ATL3: variants seen among roughly 807,000 people sequenced by gnomAD.
The protein encoded by ATL3 is atlastin-3.
ATL3 carries 49 observed loss-of-function variants against 69.5 expected under a neutral mutation model. The observed-to-expected ratio is 0.71, with a 90% CI of 0.56 to 0.89. ATL3 has a LOEUF of 0.89. Among genes scored for constraint, ATL3 ranks in the 40% least tolerant of loss-of-function variants. ATL3 has a pLI of 0.00. For synonymous variants in ATL3, 214 were observed against 224.1 expected, an observed-to-expected ratio of 0.95 and a Z score of 0.40; for missense variants, 606 against 645.7, an observed-to-expected ratio of 0.94 and a Z score of 0.67.
At position 63,633,114 on chromosome 11, in the gene ATL3, AC is replaced by A. The variant is rs1212209422; in HGVS notation, c.1036-18del. 6 of 1,608,526 alleles carry A rather than the reference AC, an allele frequency of 3.7e-6. No individual in the cohort carries two copies. The highest frequency in any genetic ancestry group is 5.1e-6 in the Non-Finnish European group (6 of 1,174,936). On this transcript the variant is annotated intron_variant, in intron 10 of 12. Coordinates refer to ENST00000398868, the MANE Select transcript of ATL3 (RefSeq NM_015459.5). Reference sequence around the variant, plus strand: ...AGCAGTGGCCTTTTAAGAGAGAAAAACGTGAACTGTAAATCCTTCCTCTTTT... The same window carrying A: ...AGCAGTGGCCTTTTAAGAGAGAAAAAGTGAACTGTAAATCCTTCCTCTTTT...
At position 63,627,630 on chromosome 11, in the gene ATL3, G is replaced by T. The variant is rs1172752404; in HGVS notation, c.*1689C>A. 6.6e-6 allele frequency: 1 copy of T among 151,990 alleles called. No homozygotes were observed. The highest frequency in any genetic ancestry group is 2.4e-5 in the African/African-American group (1 of 41,386). The allele number at this position is 151,990 out of a possible 1,614,324, so 9.4% of individuals were successfully genotyped here. On this transcript the variant is annotated 3_prime_UTR_variant, in exon 13 of 13. Coordinates refer to ENST00000398868, the MANE Select transcript of ATL3 (RefSeq NM_015459.5). ...CCATAACAAAAGTTAAATTATCTTA[G>T]AAATTAAGGCTTATATACCTGAATG... is the stretch of plus-strand genomic sequence containing the variant.
chr11:63,664,466 G>T (rs1330624673), intron 1 of ATL3, among the ~76,000 whole-genome samples: 2 of 151,306 alleles, frequency 1.3e-5, no homozygotes, highest in African/African-American at 4.8e-5. Context: ...CTTGAACCCG[G>T]GAGGCAGAGG....
chr11:63,662,073 C>A (rs373241164), intron 1 of ATL3, among the ~76,000 whole-genome samples: 1 of 147,006 alleles, frequency 6.8e-6, no homozygotes, highest in African/African-American at 2.5e-5. Context: ...ATTAGCCGGG[C>A]GTGGTGGTGG....
chr11:63,637,277 G>GAAAAA lies in ATL3; in HGVS notation c.851-948_851-944dup, dbSNP rs56386158. ...GGCAACAGAGTGAGACTCCATCTCAGAAAAAAAAAAAAAGAATTTCATTAA... is the reference window on the plus strand; with the variant it reads ...GGCAACAGAGTGAGACTCCATCTCAGAAAAAAAAAAAAAAAAAAGAATTTCATTAA... On this transcript the variant is annotated intron_variant, in intron 8 of 12. Transcript: ENST00000398868. 9.0e-4 allele frequency among the ~76,000 whole-genome samples: 126 copies of GAAAAA among 140,092 alleles called. 1 individual carries two copies. The highest frequency in any genetic ancestry group is 1.0e-3 in the East Asian group (5 of 4,772). The allele number at this position is 140,092 out of a possible 152,430, so 91.9% of individuals were successfully genotyped here.
In ATL3 at chr11:63,671,373, AGAG is replaced by A. The variant is rs528988637; in HGVS notation, c.-41_-39del. ...TTCAAAGCAGAAGCAGCAGGGGTGC[AGAG>A]GAGAGGGACGGGTGCGGGCGGGAAC... On this transcript the variant is annotated 5_prime_UTR_variant, in exon 1 of 13. Transcript: ENST00000398868. 4.0e-4 allele frequency: 627 copies of A among 1,559,880 alleles called. 11 individuals are homozygous for A. The South Asian group carries it at 6.8e-3, about 17-fold the overall frequency.
chr11:63,649,100 G>C lies in ATL3; in HGVS notation c.562-2537C>G, dbSNP rs765693815. ...AGATCGTGCCACTGCACTCCAGCCT[G>C]GGCAACTGAGGGAGACTCCATCTCA... On this transcript the variant is annotated intron_variant, in intron 5 of 12. Coordinates refer to ENST00000398868, the MANE Select transcript of ATL3 (RefSeq NM_015459.5). 3.2e-4 allele frequency among the ~76,000 whole-genome samples: 49 copies of C among 151,998 alleles called. 1 individual carries two copies. Among genetic ancestry groups the C allele is most frequent in the Non-Finnish European group, 1.3e-4 (9 of 68,018 alleles).
In ATL3 at chr11:63,628,445, TC is replaced by T. The variant is rs1340172980; in HGVS notation, c.*873del. On this transcript the variant is annotated 3_prime_UTR_variant, in exon 13 of 13. Transcript: ENST00000398868. ...TTTCCACACTATGTGGCAACAGGAT[TC>T]CCTATTGTAAATTTTTTTTGAGTGT... The T allele has an allele frequency of 6.6e-6, 1 of 152,170 alleles. No individual in the cohort carries two copies. Among genetic ancestry groups the T allele is most frequent in the African/African-American group, 2.4e-5 (1 of 41,436 alleles). 9.4% of individuals were successfully genotyped at this position (152,170 alleles called of 1,614,324 possible).
chr11:63,637,140 G>A (rs1004631400), intron 8 of ATL3, among the ~76,000 whole-genome samples: 2 of 152,170 alleles, frequency 1.3e-5, no homozygotes, highest in Non-Finnish European at 2.9e-5. Flanking sequence ...AGCCGGGGGT[G>A]GTGGCGGGCA....
chr11:63,671,349 T>C lies in ATL3; in HGVS notation c.-14A>G. 6.3e-7 allele frequency: 1 copy of C among 1,576,822 alleles called. No homozygotes were observed. The highest frequency in any genetic ancestry group is 1.1e-5 in the South Asian group (1 of 87,422). Reference sequence around the variant, plus strand: ...AGGGGACAACATGGAGCCTCCGCCTTCAAAGCAGAAGCAGCAGGGGTGCAG... The same window carrying C: ...AGGGGACAACATGGAGCCTCCGCCTCCAAAGCAGAAGCAGCAGGGGTGCAG... On this transcript the variant is annotated 5_prime_UTR_variant, in exon 1 of 13. Coordinates refer to ENST00000398868, the MANE Select transcript of ATL3 (RefSeq NM_015459.5).
intron 1 of ATL3, among the ~76,000 whole-genome samples, chr11:63,664,671 G>A (rs977566584): frequency 6.7e-6 from 1 of 148,830 alleles, no homozygotes; most frequent in African/African-American, 2.5e-5. Flanking sequence ...TGCCCAGGCT[G>A]GAGTGCAGTG....
At position 63,629,411 on chromosome 11, in the gene ATL3, A is replaced by G. The variant is rs1255414297; in HGVS notation, c.1540-6T>C. On this transcript the variant is annotated splice_polypyrimidine_tract_variant and splice_region_variant and intron_variant, in intron 12 of 12. Transcript: ENST00000398868. ...TTACCGATATGAGAAGAAGCCTGCA[A>G]AAGTCCATTTATTCAACATATAAGT... is the stretch of plus-strand genomic sequence containing the variant. 3 of 1,613,232 alleles carry G rather than the reference A, an allele frequency of 1.9e-6. No homozygotes were observed. The highest frequency in any genetic ancestry group is 2.5e-6 in the Non-Finnish European group (3 of 1,179,112).
chr11:63,634,185 TAA>T (rs146288332), intron 10 of ATL3, among the ~76,000 whole-genome samples: 25 of 113,634 alleles, frequency 2.2e-4, no homozygotes, highest in South Asian at 2.8e-4. Flanking sequence ...TGTTTCTATT[TAA>T]AAAAAAAAAA....
At chr11:63,630,921 C>T (rs1939291713) in intron 12 of ATL3, 119 bp downstream of exon 12, 4 of 856,602 alleles carry the variant, frequency 4.7e-6, no homozygotes, top group Non-Finnish European at 5.3e-6. Flanking sequence ...CAACAGCCAA[C>T]GGAGTGGCCA....
At chr11:63,636,525 G>A (rs751127042) in intron 8 of ATL3, among the ~76,000 whole-genome samples, 191 bp from the exon 9 acceptor site, 5 of 152,036 alleles carry the variant, frequency 3.3e-5, no homozygotes, top group African/African-American at 9.7e-5. Flanking sequence ...GATTGCCTAA[G>A]GTCAGGAGTT....
chr11:63,641,950 C>T (rs778888194), intron 8 of ATL3, among the ~76,000 whole-genome samples: 2 of 152,178 alleles, frequency 1.3e-5, no homozygotes, highest in Admixed American at 1.3e-4. Context: ...TTCACCCTCT[C>T]CTAACACCTC....
rs758490498 is a variant in ATL3, at chr11:63,658,908, C to T, written c.262-4G>A. 6.3e-7 allele frequency: 1 copy of T among 1,593,832 alleles called. No homozygotes were observed. Among genetic ancestry groups the T allele is most frequent in the Non-Finnish European group, 8.5e-7 (1 of 1,173,984 alleles). On this transcript the variant is annotated splice_polypyrimidine_tract_variant and splice_region_variant and intron_variant, in intron 2 of 12. Transcript: ENST00000398868. ...AATTTGAATGGCCACTTTCCTTCTA[C>T]AGAAGTAAGAAATTTCTATTAAATC...
At chr11:63,659,894 G>A (rs1940369563) in intron 1 of ATL3, among the ~76,000 whole-genome samples, 1 of 152,076 alleles carries the variant, frequency 6.6e-6, no homozygotes, top group African/African-American at 2.4e-5. Flanking sequence ...CCGAGATCAT[G>A]CCATTGCACT....
chr11:63,632,642 ATCT>A (rs1278755723), intron 11 of ATL3: 12 of 1,005,306 alleles, frequency 1.2e-5, no homozygotes. Context: ...AAGAGGACGA[ATCT>A]TCTTTTAAGA....
intron 11 of ATL3, 185 bp downstream of exon 11, chr11:63,632,838 AAAC>A (rs1759320378): frequency 2.6e-6 from 2 of 758,144 alleles, no homozygotes; most frequent in Admixed American, 5.6e-5. Context: ...AAACAAAACA[AAAC>A]AAGAACAAAC....
Sources: allele counts gnomAD v4.1 joint callset (sites outside exome capture counted in the v4.1 genomes callset), GRCh38; gene constraint gnomAD v4.1.1; transcripts MANE v1.5; gene names NCBI Gene and HGNC (gene_info 2026-07-23, HGNC 2026-07-21).